The following ARB2A variants were observed in gnomAD, a reference collection of about 807,000 sequenced individuals.
The protein encoded by ARB2A is ARB2 cotranscriptional regulator A.
chr5:93,942,802 C>T, the ARB2A span, among the ~76,000 whole-genome samples: 2 of 152,014 alleles, frequency 1.3e-5, no homozygotes, highest in African/African-American at 4.8e-5. Flanking sequence ...CTTGCATAAA[C>T]TTCCAGGAAC....
the ARB2A span, among the ~76,000 whole-genome samples, chr5:93,981,714 A>C: frequency 6.6e-6 from 1 of 152,088 alleles, no homozygotes; most frequent in Non-Finnish European, 1.5e-5. Flanking sequence ...AAGGGTAGCT[A>C]ATATGAACAG....
the ARB2A span, among the ~76,000 whole-genome samples, chr5:93,980,058 A>G: frequency 6.6e-6 from 1 of 152,096 alleles, no homozygotes; most frequent in East Asian, 1.9e-4. Flanking sequence ...GTTGCTTTAT[A>G]TAGCTAAAGT....
At chr5:93,928,060 G>A in the ARB2A span, among the ~76,000 whole-genome samples, 17 of 151,960 alleles carry the variant, frequency 1.1e-4, no homozygotes, top group African/African-American at 4.1e-4. Flanking sequence ...GTTATGGAAA[G>A]TTAAGGTTAT....
chr5:94,039,004 C>T, the ARB2A span, among the ~76,000 whole-genome samples: 1 of 152,156 alleles, frequency 6.6e-6, no homozygotes, highest in East Asian at 1.9e-4. Flanking sequence ...GTTTTTAGTG[C>T]TTCTATGTCC....
chr5:93,790,177 A>G, the ARB2A span, among the ~76,000 whole-genome samples: 21 of 152,278 alleles, frequency 1.4e-4, no homozygotes, highest in Non-Finnish European at 2.5e-4. Flanking sequence ...GTCATGGGAG[A>G]TGACAAATCC....
the ARB2A span, among the ~76,000 whole-genome samples, chr5:93,948,537 G>T: frequency 2.6e-5 from 4 of 151,854 alleles, no homozygotes; most frequent in Middle Eastern, 6.8e-3. Flanking sequence ...GTCAATTTTG[G>T]CTTTTGTTGC....
the ARB2A span, among the ~76,000 whole-genome samples, chr5:93,750,844 T>G: frequency 7.2e-5 from 11 of 152,152 alleles, no homozygotes; most frequent in Non-Finnish European, 8.8e-5. Flanking sequence ...TTATTTTAAA[T>G]TTAATCACCT....
the ARB2A span, among the ~76,000 whole-genome samples, chr5:93,709,127 C>T: frequency 6.6e-6 from 1 of 151,064 alleles, no homozygotes; most frequent in African/African-American, 2.4e-5. Context: ...TGTCAATCAC[C>T]ATGTTGTATA....
chr5:93,852,934 G>C, the ARB2A span, among the ~76,000 whole-genome samples: 2 of 152,124 alleles, frequency 1.3e-5, no homozygotes, highest in African/African-American at 4.8e-5. Flanking sequence ...ACTTGGCGAT[G>C]TGGGCTCTTT....
the ARB2A span, among the ~76,000 whole-genome samples, chr5:93,852,209 G>A: frequency 4.6e-5 from 7 of 152,028 alleles, no homozygotes; most frequent in South Asian, 2.1e-4. Context: ...GGCCAGTGAT[G>A]GTGAGCATTT....
chr5:93,744,434 C>CAAAAAAAAA, the ARB2A span, among the ~76,000 whole-genome samples: 330 of 14,534 alleles, frequency 0.023, 88 homozygotes, highest in African/African-American at 0.038. Flanking sequence ...GACTCAGTCT[C>CAAAAAAAAA]AAAAAAAAAA....
At chr5:93,785,277 T>C in the ARB2A span, among the ~76,000 whole-genome samples, 1 of 152,160 alleles carries the variant, frequency 6.6e-6, no homozygotes, top group African/African-American at 2.4e-5. Flanking sequence ...GTGGCCCTAA[T>C]TTGGTGTAAT....
the ARB2A span, among the ~76,000 whole-genome samples, chr5:93,635,102 C>T: frequency 6.6e-6 from 1 of 152,128 alleles, no homozygotes; most frequent in East Asian, 1.9e-4. Context: ...AGTAACTTTA[C>T]CAAAAGATTG....
the ARB2A span, among the ~76,000 whole-genome samples, chr5:93,948,194 T>C: frequency 5.3e-5 from 8 of 152,350 alleles, no homozygotes; most frequent in South Asian, 1.7e-3. Flanking sequence ...GACTTTTTAA[T>C]GATTGCCATT....
the ARB2A span, among the ~76,000 whole-genome samples, chr5:93,764,794 A>C: frequency 2.0e-5 from 3 of 152,256 alleles, no homozygotes; most frequent in African/African-American, 4.8e-5. Context: ...AAAAATCCTC[A>C]ATAAAATACT....
At chr5:93,865,868 G>T in the ARB2A span, 1 of 985,384 alleles carries the variant, frequency 1.0e-6, no homozygotes, top group Admixed American at 6.1e-5. Context: ...TCAAATATGA[G>T]GTTAAAAGGT....
At chr5:94,027,865 G>A in the ARB2A span, among the ~76,000 whole-genome samples, 1 of 152,156 alleles carries the variant, frequency 6.6e-6, no homozygotes, top group Non-Finnish European at 1.5e-5. Context: ...TAGTGGGAAG[G>A]AAGGGGTGAT....
chr5:93,956,946 T>C, the ARB2A span, among the ~76,000 whole-genome samples: 4 of 152,190 alleles, frequency 2.6e-5, no homozygotes, highest in Admixed American at 2.6e-4. Context: ...GAGAATTAAA[T>C]ACATAAACTA....
At chr5:93,772,431 A>G in the ARB2A span, among the ~76,000 whole-genome samples, 4 of 152,162 alleles carry the variant, frequency 2.6e-5, no homozygotes, top group African/African-American at 9.7e-5. Flanking sequence ...CATTGTGCAC[A>G]TGTACCCTAA....
Sources: allele counts gnomAD v4.1 joint callset (sites outside exome capture counted in the v4.1 genomes callset), GRCh38; gene constraint gnomAD v4.1.1; transcripts MANE v1.5; gene names NCBI Gene and HGNC (gene_info 2026-07-23, HGNC 2026-07-21).